EYS: variants seen among roughly 807,000 people sequenced by gnomAD.
EYS encodes the protein EGF-like photoreceptor maintenance factor.
In EYS, 250 loss-of-function variants were observed where a neutral mutation model predicts 282.1. The observed-to-expected ratio is 0.89, with a 90% CI of 0.80 to 0.98. The LOEUF (loss-of-function observed/expected upper bound fraction) is 0.98. Among genes scored for constraint, EYS ranks in the 50% least tolerant of loss-of-function variants. The pLI is 0.00. For missense variants in EYS, 4,016 were observed against 3,709.0 expected (o/e 1.08, Z -2.15); for synonymous variants, 1,355 against 1,282.9 (o/e 1.06, Z -1.20).
At chr6:65,128,433 G>A (rs1028945925) in intron 12 of EYS, among the ~76,000 whole-genome samples, 1 of 151,864 alleles carries the variant, frequency 6.6e-6, no homozygotes, top group African/African-American at 2.4e-5. Flanking sequence ...AACACTAAAA[G>A]ACTCTGCCAA....
chr6:64,716,083 T>C (rs931945856), intron 22 of EYS, among the ~76,000 whole-genome samples: 1 of 152,218 alleles, frequency 6.6e-6, no homozygotes, highest in African/African-American at 2.4e-5. Context: ...TAAGGGTGTA[T>C]AGTTTAGTGT....
rs1345184612 is a variant in EYS, at chr6:64,436,353, T to TG, written c.5836-89_5836-88insC. 1.6e-4 allele frequency: 114 copies of TG among 691,488 alleles called. 1 individual carries two copies. In the East Asian group the frequency reaches 3.1e-3, roughly 19 times the overall value. 42.8% of individuals were successfully genotyped at this position (691,488 alleles called of 1,614,324 possible). On this transcript the variant is annotated intron_variant, in intron 27 of 42. Coordinates refer to ENST00000503581, the MANE Select transcript of EYS (RefSeq NM_001142800.2). ...TGCACTGGACTTTATTATTTATCAA[T>TG]ATATTTTACATCACTTTGGAGAGAC... is the stretch of plus-strand genomic sequence containing the variant.
intron 15 of EYS, among the ~76,000 whole-genome samples, chr6:64,930,461 TA>T (rs55650031): frequency 0.28 from 33,904 of 122,388 alleles, 4,867 homozygotes; most frequent in African/African-American, 0.48. Context: ...ATAAATAAGG[TA>T]AAAAAAAAAA....
chr6:63,968,796 C>T (rs192329637), intron 35 of EYS, among the ~76,000 whole-genome samples: 337 of 152,308 alleles, frequency 2.2e-3, no homozygotes, highest in African/African-American at 7.7e-3. Context: ...TAAGTCTCCA[C>T]TCAGCCATGC....
chr6:64,617,404 C>G lies in EYS; in HGVS notation c.3684+14G>C. On this transcript the variant is annotated intron_variant, in intron 24 of 42. Transcript: ENST00000503581. ...TAAAAAATTATTACAACCACAACCA[C>G]CAGTAATCTTTACCATAAATCCAGG... The G allele has an allele frequency of 6.8e-7, 1 of 1,465,654 alleles. No homozygotes were observed. The highest frequency in any genetic ancestry group is 9.4e-7 in the Non-Finnish European group (1 of 1,068,716). The allele number at this position is 1,465,654 out of a possible 1,614,324, so 90.8% of individuals were successfully genotyped here.
intron 35 of EYS, among the ~76,000 whole-genome samples, chr6:63,909,774 C>A (rs1773869670): frequency 6.6e-6 from 1 of 152,108 alleles, no homozygotes; most frequent in Admixed American, 6.5e-5. Context: ...TGAGCCACCC[C>A]CAGAAATTCC....
chr6:65,212,553 T>C (rs1766200937), intron 12 of EYS, among the ~76,000 whole-genome samples: 1 of 152,124 alleles, frequency 6.6e-6, no homozygotes, highest in Non-Finnish European at 1.5e-5. Context: ...TTAAATACAA[T>C]TTAAAAATAA....
At chr6:63,779,468 C>G (rs1371461815) in intron 39 of EYS, 6 of 149,786 alleles carry the variant, frequency 4.0e-5, no homozygotes, top group Non-Finnish European at 8.9e-5. Context: ...AAAAAAAAAC[C>G]AAACAAACAA....
At chr6:64,851,725 T>C (rs1472358406) in intron 19 of EYS, among the ~76,000 whole-genome samples, 2 of 152,124 alleles carry the variant, frequency 1.3e-5, no homozygotes, top group Non-Finnish European at 2.9e-5. Flanking sequence ...ATGTTCTTAC[T>C]TGTAAGTGGG....
At chr6:63,802,803 T>C (rs1770813461) in intron 37 of EYS, among the ~76,000 whole-genome samples, 3 of 152,090 alleles carry the variant, frequency 2.0e-5, no homozygotes, top group Non-Finnish European at 2.9e-5. Context: ...TGCTCCCTCA[T>C]GTGGTGCAAT....
intron 11 of EYS, among the ~76,000 whole-genome samples, chr6:65,321,765 T>C (rs1769482351): frequency 6.6e-6 from 1 of 152,166 alleles, no homozygotes; most frequent in African/African-American, 2.4e-5. Context: ...ACAAAGATGT[T>C]GTGTGAGCTG....
At chr6:64,205,621 G>T (rs1430299257) in intron 31 of EYS, among the ~76,000 whole-genome samples, 2 of 152,026 alleles carry the variant, frequency 1.3e-5, no homozygotes, top group African/African-American at 4.8e-5. Flanking sequence ...TTTTGTTCAG[G>T]ATATTTTCTG....
chr6:64,085,043 G>A (rs1465304311), intron 31 of EYS, among the ~76,000 whole-genome samples: 6 of 152,020 alleles, frequency 3.9e-5, no homozygotes, highest in Non-Finnish European at 1.5e-5. Context: ...ACAGAGTCTT[G>A]TTCTTTTGCA....
chr6:65,291,663 A>G (rs1274734214), intron 12 of EYS, among the ~76,000 whole-genome samples: 1 of 151,592 alleles, frequency 6.6e-6, no homozygotes, highest in Non-Finnish European at 1.5e-5. Context: ...CCAGGAGGTC[A>G]TCTCTGGGAA....
At chr6:65,332,358 T>A (rs1769828056) in intron 11 of EYS, 3 of 841,892 alleles carry the variant, frequency 3.6e-6, no homozygotes, top group Non-Finnish European at 6.0e-6. Flanking sequence ...CTGGTCATGC[T>A]GTATAAACCT....
At chr6:63,848,007 A>G (rs890967009) in intron 36 of EYS, among the ~76,000 whole-genome samples, 2 of 152,234 alleles carry the variant, frequency 1.3e-5, no homozygotes, top group African/African-American at 4.8e-5. Context: ...TGCAATTTGA[A>G]GCATTTTTTA....
Position 64,617,519 on chromosome 6 carries a change from GGT to G in EYS, c.3581_3582del (p.His1194ProfsTer3), listed in dbSNP as rs1767312015. 5.8e-6 allele frequency: 9 copies of G among 1,547,750 alleles called. No homozygotes were observed. Among genetic ancestry groups the G allele is most frequent in the Non-Finnish European group, 7.9e-6 (9 of 1,143,756 alleles). On this transcript the variant is annotated frameshift_variant, in exon 24 of 43. Transcript: ENST00000503581. LOFTEE classifies it high-confidence loss of function. The stretch of plus-strand genomic sequence containing the variant: ...ATGCACTCAAGCTCATTCTCACAGT[GGT>G]GTCCAGACCATCCTGTTCAACAAAA... ...VCKCQPGWSGHHCENELECIP... is the reference protein window; with the variant it reads ...VCKCQPGWSGXHCENELECIP...
At chr6:63,979,968 G>A (rs1034039794) in intron 35 of EYS, among the ~76,000 whole-genome samples, 1 of 151,882 alleles carries the variant, frequency 6.6e-6, no homozygotes, top group South Asian at 2.1e-4. Context: ...TTGTCTTCTT[G>A]TAAGCAGATT....
At chr6:64,234,612 T>C (rs1766526940) in intron 30 of EYS, among the ~76,000 whole-genome samples, 1 of 152,210 alleles carries the variant, frequency 6.6e-6, no homozygotes, top group African/African-American at 2.4e-5. Context: ...TTTTAATAGA[T>C]ACAGAATTGT....
Sources: allele counts gnomAD v4.1 joint callset (sites outside exome capture counted in the v4.1 genomes callset), GRCh38; gene constraint gnomAD v4.1.1; transcripts MANE v1.5; gene names NCBI Gene and HGNC (gene_info 2026-07-23, HGNC 2026-07-21).